FMN2: variants seen among roughly 807,000 people sequenced by gnomAD.
The protein encoded by FMN2 is formin 2, also known as formin-2.
FMN2 carries 51 observed loss-of-function variants against 142.3 expected under a neutral mutation model. The observed-to-expected ratio is 0.36, with a 90% CI of 0.29 to 0.45. The LOEUF is 0.45. Among genes scored for constraint, FMN2 ranks in the 20% least tolerant of loss-of-function variants. FMN2 has a pLI of 1.00. For missense variants in FMN2, 1,936 were observed against 2,122.8 expected (o/e 0.91, Z 1.73); for synonymous variants, 882 against 869.8 (o/e 1.01, Z -0.25).
At chr1:240,381,328 A>G (rs1174725768) in intron 14 of FMN2, among the ~76,000 whole-genome samples, 1 of 152,240 alleles carries the variant, frequency 6.6e-6, no homozygotes, top group Non-Finnish European at 1.5e-5. Flanking sequence ...ATTATACATC[A>G]CCATCAAGTG....
chr1:240,295,189 T>TACACAC lies in FMN2; in HGVS notation c.4215+337_4215+342dup, dbSNP rs67137806. On this transcript the variant is annotated intron_variant, in intron 8 of 17. Transcript: ENST00000319653. ...GCCAAGCATTGTTCTGTGCACTTCA[T>TACACAC]ACACACACACACACACACACACACA... Among the ~76,000 whole-genome samples, 321 of 144,182 alleles carry TACACAC rather than the reference T, an allele frequency of 2.2e-3. 2 individuals are homozygous for TACACAC. Among genetic ancestry groups the TACACAC allele is most frequent in the African/African-American group, 7.6e-3 (295 of 38,964 alleles). The allele number at this position is 144,182 out of a possible 152,430, so 94.6% of individuals were successfully genotyped here.
At chr1:240,122,847 G>A (rs1662338271) in intron 1 of FMN2, among the ~76,000 whole-genome samples, 1 of 152,146 alleles carries the variant, frequency 6.6e-6, no homozygotes, top group Non-Finnish European at 1.5e-5. Flanking sequence ...GAGCCCAAGA[G>A]TTCAAGGCCA....
intron 15 of FMN2, among the ~76,000 whole-genome samples, chr1:240,394,123 A>G (rs532724346): frequency 3.1e-4 from 47 of 152,314 alleles, no homozygotes; most frequent in East Asian, 9.7e-4. Flanking sequence ...GGCAGTCACA[A>G]TGGGTGAAGG....
chr1:240,313,525 C>T (rs1318659091), intron 8 of FMN2, among the ~76,000 whole-genome samples: 1 of 151,968 alleles, frequency 6.6e-6, no homozygotes, highest in Non-Finnish European at 1.5e-5. Flanking sequence ...GGTTTTATCA[C>T]CATTAATGAG....
chr1:240,139,479 G>T (rs1340452580), intron 2 of FMN2, among the ~76,000 whole-genome samples: 1 of 152,172 alleles, frequency 6.6e-6, no homozygotes, highest in Non-Finnish European at 1.5e-5. Context: ...TCTGGAAAGT[G>T]CCAGTAGAAT....
chr1:240,306,220 T>C (rs1670395504), intron 8 of FMN2, among the ~76,000 whole-genome samples: 1 of 152,184 alleles, frequency 6.6e-6, no homozygotes, highest in Non-Finnish European at 1.5e-5. Flanking sequence ...AGTGCTGGGA[T>C]TACAGGCGTG....
intron 1 of FMN2, among the ~76,000 whole-genome samples, chr1:240,118,807 A>G (rs1662123148): frequency 6.6e-6 from 1 of 152,158 alleles, no homozygotes. Context: ...CAGAGGTGGA[A>G]CGTGGGGCAG....
Position 240,215,146 on chromosome 1 carries a change from G to A in FMN2, c.4065+3911G>A, listed in dbSNP as rs957803102. On this transcript the variant is annotated intron_variant, in intron 6 of 17. Coordinates refer to ENST00000319653, the MANE Select transcript of FMN2 (RefSeq NM_020066.5). ...GGGAGTGATTTTGATAATAAGGGTT[G>A]CATAGTTTTTGGTTAATCTTCTATC... 2.6e-5 allele frequency among the ~76,000 whole-genome samples: 4 copies of A among 152,120 alleles called. No individual in the cohort carries two copies. In the East Asian group the frequency reaches 7.7e-4, roughly 29 times the overall value.
At chr1:240,272,876 C>G (rs2102923075) in intron 7 of FMN2, among the ~76,000 whole-genome samples, 1 of 152,264 alleles carries the variant, frequency 6.6e-6, no homozygotes. Context: ...ATACCTCTGA[C>G]TACATTTTTA....
intron 13 of FMN2, among the ~76,000 whole-genome samples, chr1:240,342,862 T>C (rs530374537): frequency 6.6e-6 from 1 of 152,294 alleles, no homozygotes; most frequent in Non-Finnish European, 1.5e-5. Context: ...CTATACAGTA[T>C]ACAATTTTTT....
Position 240,294,874 on chromosome 1 carries a change from C to T in FMN2, c.4206C>T (p.Leu1402=). 1 of 1,613,612 alleles carries T rather than the reference C, an allele frequency of 6.2e-7. No homozygotes were observed. The highest frequency in any genetic ancestry group is 8.5e-7 in the Non-Finnish European group (1 of 1,179,674). The part of the protein sequence containing the change: ...SVVDLETLQA[L]YENRAQSDEL... ...TTGACCTGGAGACCCTTCAAGCTCT[C>T]TATGAGAATGTGAGTAATAGAAGGA... Residue 1402 remains leucine, a synonymous_variant, in exon 8 of 18, where the codon CTC becomes CTT. Coordinates refer to ENST00000319653, the MANE Select transcript of FMN2 (RefSeq NM_020066.5).
intron 15 of FMN2, among the ~76,000 whole-genome samples, chr1:240,409,383 A>G (rs2103122960): frequency 6.6e-6 from 1 of 152,158 alleles, no homozygotes; most frequent in Admixed American, 6.5e-5. Flanking sequence ...ACTTCAAAGG[A>G]TCCTCCCACC....
chr1:240,442,874 C>T (rs890630030), intron 16 of FMN2, among the ~76,000 whole-genome samples: 9 of 152,152 alleles, frequency 5.9e-5, no homozygotes, highest in African/African-American at 2.2e-4. Context: ...TTACTGGCTC[C>T]AGAATCGTAG....
chr1:240,256,825 G>A (rs556661652), intron 6 of FMN2, among the ~76,000 whole-genome samples: 38 of 152,244 alleles, frequency 2.5e-4, no homozygotes, highest in Non-Finnish European at 3.5e-4. Flanking sequence ...AAAGTGTTAT[G>A]TTTTATTCCT....
chr1:240,123,858 A>G (rs1662394710), intron 2 of FMN2, among the ~76,000 whole-genome samples: 1 of 152,130 alleles, frequency 6.6e-6, no homozygotes, highest in East Asian at 1.9e-4. Context: ...GGCAACAACC[A>G]TTCTCTTTCT....
At chr1:240,216,555 G>GA (rs978048927) in intron 6 of FMN2, among the ~76,000 whole-genome samples, 11 of 151,616 alleles carry the variant, frequency 7.3e-5, no homozygotes, top group South Asian at 2.1e-4. Context: ...AATCTGATCA[G>GA]AAAAAAAATA....
chr1:240,437,219 C>A (rs535006032), intron 15 of FMN2, among the ~76,000 whole-genome samples: 126 of 151,926 alleles, frequency 8.3e-4, no homozygotes, highest in African/African-American at 2.8e-3. Flanking sequence ...CGTCAAAGTC[C>A]TGGCTGCCAT....
rs115618221 is a variant in FMN2, at chr1:240,117,737, C to A, written c.1616-5442C>A. Among the ~76,000 whole-genome samples the A allele has an allele frequency of 7.0e-3, 1,063 of 152,250 alleles. 11 individuals carry two copies. Among genetic ancestry groups the A allele is most frequent in the African/African-American group, 0.024 (999 of 41,526 alleles). On this transcript the variant is annotated intron_variant, in intron 1 of 17. Coordinates refer to ENST00000319653, the MANE Select transcript of FMN2 (RefSeq NM_020066.5). ...GCATTCAGGCATTTGTACATAGATT[C>A]ATTGATGATCGAAAAATTAATTGAT...
chr1:240,181,043 C>T (rs1665129643), intron 3 of FMN2, among the ~76,000 whole-genome samples: 1 of 151,826 alleles, frequency 6.6e-6, no homozygotes, highest in Non-Finnish European at 1.5e-5. Flanking sequence ...CTCACTCTGT[C>T]GCCCAGGCTG....
Sources: gnomAD v4.1 joint callset for allele counts (sites outside exome capture counted in the v4.1 genomes callset) on GRCh38, gnomAD v4.1.1 for gene constraint, MANE v1.5 for transcripts, NCBI Gene and HGNC (gene_info 2026-07-23, HGNC 2026-07-21) for gene names.